Variants in NMBR observed in about 807,000 individuals in gnomAD.
NMBR encodes the protein neuromedin-B receptor.
In NMBR, 16 loss-of-function variants were observed where a neutral mutation model predicts 20.5. The ratio of observed to expected loss-of-function variants is 0.78; its 90% CI spans 0.53 to 1.19. NMBR has a LOEUF of 1.19. Ranked by LOEUF, NMBR falls within the 50% of genes most tolerant of loss-of-function variation. The probability of loss-of-function intolerance (pLI) is 0.00; values close to 1 mark genes in which losing one functional copy is unlikely to be tolerated. For synonymous variants in NMBR, 212 were observed against 196.6 expected (o/e 1.08, Z -0.65); for missense variants, 582 against 499.1 (o/e 1.17, Z -1.58).
At chr6:142,079,856 C>T (rs1428364841) in intron 2 of NMBR, among the ~76,000 whole-genome samples, 2 of 152,184 alleles carry the variant, frequency 1.3e-5, no homozygotes, top group East Asian at 3.8e-4. Context: ...TAGCAGTGTA[C>T]TAGTGATAAA....
At chr6:142,125,076 AG>A (rs1778006655) in intron 1 of NMBR, among the ~76,000 whole-genome samples, 1 of 151,868 alleles carries the variant, frequency 6.6e-6, no homozygotes, top group Non-Finnish European at 1.5e-5. Context: ...GATTTCAGAA[AG>A]ATGTGAATTG....
intron 3 of NMBR, 26 bp downstream of exon 3, chr6:142,078,529 C>A: frequency 7.4e-7 from 1 of 1,354,458 alleles, no homozygotes; most frequent in Non-Finnish European, 1.0e-6. Context: ...GACCACACAC[C>A]ACCAACCCAC....
chr6:142,127,076 G>A (rs1031266333), intron 1 of NMBR, among the ~76,000 whole-genome samples: 2 of 151,822 alleles, frequency 1.3e-5, no homozygotes, highest in African/African-American at 2.4e-5. Context: ...AGACCCATGC[G>A]AAGAAGCTTT....
chr6:142,117,642 TG>T (rs549359968), intron 1 of NMBR, among the ~76,000 whole-genome samples: 289 of 152,068 alleles, frequency 1.9e-3, no homozygotes, highest in Middle Eastern at 6.8e-3. Flanking sequence ...TTAATTAATC[TG>T]GAGTTTATGC....
intron 1 of NMBR, chr6:142,133,896 G>A: frequency 1.4e-6 from 1 of 701,906 alleles, no homozygotes. Flanking sequence ...CTTTTCTTTG[G>A]ATCGATCCGA....
At chr6:142,081,985 C>T (rs1006491551) in intron 2 of NMBR, among the ~76,000 whole-genome samples, 7 of 151,932 alleles carry the variant, frequency 4.6e-5, no homozygotes, top group African/African-American at 1.5e-4. Context: ...TTTTGGATCT[C>T]GCTTGTAACA....
chr6:142,105,798 A>G (rs1777652576), intron 1 of NMBR, among the ~76,000 whole-genome samples: 1 of 152,176 alleles, frequency 6.6e-6, no homozygotes, highest in Non-Finnish European at 1.5e-5. Flanking sequence ...TTTGTTTTAT[A>G]TCACCATTTG....
At chr6:142,117,595 T>A (rs985737101) in intron 1 of NMBR, among the ~76,000 whole-genome samples, 3 of 151,948 alleles carry the variant, frequency 2.0e-5, no homozygotes, top group Non-Finnish European at 2.9e-5. Flanking sequence ...GAACGGAAAT[T>A]CTAATGATAG....
At position 142,128,692 on chromosome 6, in the gene NMBR, G is replaced by A. The variant is rs562580634; in HGVS notation, c.-664+18352C>T. Among the ~76,000 whole-genome samples, 6 of 152,038 alleles carry A rather than the reference G, an allele frequency of 3.9e-5. No individual in the cohort carries two copies. In the East Asian group the frequency reaches 7.8e-4, roughly 20 times the overall value. Reference sequence around the variant, plus strand: ...CATTTACTGATTTGCAATGTATTAAGCAATCCTTGCATCTCAGAGATAAAT... The same window carrying A: ...CATTTACTGATTTGCAATGTATTAAACAATCCTTGCATCTCAGAGATAAAT... On this transcript the variant is annotated intron_variant, in intron 1 of 3. Coordinates refer to ENST00000258042, the MANE Select transcript of NMBR (RefSeq NM_002511.4).
At chr6:142,117,236 A>G (rs1435042476) in intron 1 of NMBR, among the ~76,000 whole-genome samples, 1 of 151,970 alleles carries the variant, frequency 6.6e-6, no homozygotes, top group African/African-American at 2.4e-5. Context: ...GATGGATTTA[A>G]TAGTTTTAGT....
At chr6:142,116,136 C>T (rs1266639257) in intron 1 of NMBR, among the ~76,000 whole-genome samples, 1 of 151,832 alleles carries the variant, frequency 6.6e-6, no homozygotes, top group East Asian at 1.9e-4. Flanking sequence ...TGAGGCTTCC[C>T]CAGCCATTTG....
At chr6:142,109,200 G>C (rs1422042761) in intron 1 of NMBR, among the ~76,000 whole-genome samples, 2 of 152,086 alleles carry the variant, frequency 1.3e-5, no homozygotes, top group South Asian at 2.1e-4. Context: ...CTACCATTCC[G>C]GGCTCTGGAG....
At chr6:142,114,190 G>A (rs1378967408) in intron 1 of NMBR, among the ~76,000 whole-genome samples, 1 of 152,150 alleles carries the variant, frequency 6.6e-6, no homozygotes, top group African/African-American at 2.4e-5. Flanking sequence ...GGATTTGAAT[G>A]AGCCCAGGTT....
intron 1 of NMBR, among the ~76,000 whole-genome samples, chr6:142,124,762 C>T (rs1778002061): frequency 2.6e-5 from 4 of 151,802 alleles, no homozygotes; most frequent in Admixed American, 2.6e-4. Context: ...TCAATTTAAC[C>T]ATTAGGTCAG....
chr6:142,133,324 A>G (rs1778179413), intron 1 of NMBR: 4 of 415,008 alleles, frequency 9.6e-6, no homozygotes, highest in South Asian at 1.8e-4. Context: ...TCAACCATAT[A>G]CTTCAAAATA....
At chr6:142,142,429 G>T (rs1425204847) in intron 1 of NMBR, among the ~76,000 whole-genome samples, 1 of 152,094 alleles carries the variant, frequency 6.6e-6, no homozygotes, top group African/African-American at 2.4e-5. Context: ...ATTAGGCGGG[G>T]TTTACCCCGG....
At chr6:142,115,375 T>C (rs1213648430) in intron 1 of NMBR, among the ~76,000 whole-genome samples, 1 of 151,940 alleles carries the variant, frequency 6.6e-6, no homozygotes, top group East Asian at 1.9e-4. Flanking sequence ...ATTTGAGGTA[T>C]AGGAGTTAGG....
intron 2 of NMBR, among the ~76,000 whole-genome samples, chr6:142,087,038 C>T (rs1777212218): frequency 6.6e-6 from 1 of 152,108 alleles, no homozygotes; most frequent in Admixed American, 6.6e-5. Context: ...AATGCTGCCA[C>T]ATAAACAAAA....
intron 1 of NMBR, among the ~76,000 whole-genome samples, chr6:142,110,641 C>T (rs897366708): frequency 3.1e-4 from 47 of 152,118 alleles, no homozygotes; most frequent in African/African-American, 1.1e-3. Context: ...TATTTTTAAA[C>T]TTACCGTGGT....
Sources: gnomAD v4.1 joint callset for allele counts (sites outside exome capture counted in the v4.1 genomes callset) on GRCh38, gnomAD v4.1.1 for gene constraint, MANE v1.5 for transcripts, NCBI Gene and HGNC (gene_info 2026-07-23, HGNC 2026-07-21) for gene names.